Variants in ABCG8 observed in about 807,000 individuals in gnomAD.
ABCG8 encodes the protein ATP-binding cassette sub-family G member 8.
Under a neutral mutation model 71.3 loss-of-function variants are expected in ABCG8, and 81 were observed. The observed-to-expected ratio is 1.14, with a 90% CI of 0.95 to 1.37. The LOEUF is 1.37. Among genes scored for constraint, ABCG8 ranks in the 40% most tolerant of loss-of-function variants. The pLI is 0.00. For missense variants in ABCG8, 1,119 were observed against 866.2 expected, an observed-to-expected ratio of 1.29 and a Z score of -3.66; for synonymous variants, 451 against 354.7, an observed-to-expected ratio of 1.27 and a Z score of -3.05.
chr2:43,856,725 T>A (rs980362453), intron 6 of ABCG8, among the ~76,000 whole-genome samples: 10 of 151,992 alleles, frequency 6.6e-5, no homozygotes, highest in African/African-American at 2.4e-4. Flanking sequence ...CTGGATGGAA[T>A]TCTCACCATC....
At chr2:43,877,186 A>T (rs1669986755) in intron 11 of ABCG8, among the ~76,000 whole-genome samples, 1 of 139,364 alleles carries the variant, frequency 7.2e-6, no homozygotes, top group African/African-American at 2.7e-5. Context: ...CAATATAAAG[A>T]AGACCATGGG....
intron 6 of ABCG8, among the ~76,000 whole-genome samples, chr2:43,857,249 T>A (rs1669144378): frequency 6.6e-6 from 1 of 151,760 alleles, no homozygotes; most frequent in Non-Finnish European, 1.5e-5. Context: ...TCTCACCATC[T>A]GGACAGAACT....
intron 11 of ABCG8, among the ~76,000 whole-genome samples, chr2:43,876,905 C>T (rs760191289): frequency 5.4e-5 from 8 of 149,352 alleles, no homozygotes; most frequent in Non-Finnish European, 8.9e-5. Context: ...TATGGGGAGA[C>T]TGTGGGAATA....
intron 6 of ABCG8, among the ~76,000 whole-genome samples, chr2:43,870,789 A>T (rs1046717998): frequency 5.3e-5 from 8 of 151,602 alleles, no homozygotes; most frequent in Non-Finnish European, 1.0e-4. Context: ...CACCATCTGG[A>T]TAGAATCTCA....
At chr2:43,847,225 A>T (rs886318106) in intron 3 of ABCG8, 2 of 152,138 alleles carry the variant, frequency 1.3e-5, no homozygotes, top group Non-Finnish European at 2.9e-5. Flanking sequence ...AGAGGTAGAG[A>T]TTACTCAATT....
chr2:43,875,072 G>A (rs1234912509), intron 10 of ABCG8, 74 bp from the exon 11 acceptor site: 3 of 1,605,944 alleles, frequency 1.9e-6, no homozygotes, highest in Non-Finnish European at 1.7e-6. Flanking sequence ...TGGGGGCACT[G>A]CTACTTTTAA....
intron 6 of ABCG8, among the ~76,000 whole-genome samples, chr2:43,864,452 A>G (rs1460906279): frequency 6.6e-6 from 1 of 151,710 alleles, no homozygotes. Context: ...ATCTGAATAG[A>G]ATTCTCACTC....
chr2:43,850,397 A>G (rs1668876477), intron 3 of ABCG8, among the ~76,000 whole-genome samples: 2 of 152,214 alleles, frequency 1.3e-5, no homozygotes, highest in Admixed American at 6.5e-5. Flanking sequence ...TCTCAAATCA[A>G]TAATAATTAG....
chr2:43,840,857 C>G (rs181998158), intron 1 of ABCG8, among the ~76,000 whole-genome samples: 417 of 152,254 alleles, frequency 2.7e-3, no homozygotes, highest in Non-Finnish European at 2.7e-3. Context: ...GCAGCCCTGC[C>G]CTGCACAGAC....
At chr2:43,839,977 A>T (rs577105710) in intron 1 of ABCG8, among the ~76,000 whole-genome samples, 1 of 152,172 alleles carries the variant, frequency 6.6e-6, no homozygotes, top group Non-Finnish European at 1.5e-5. Context: ...TTCCTTCCTC[A>T]TTTTACCTGA....
rs1669194350 is a variant in ABCG8 at position 43,858,612 on chromosome 2, C to T, written c.964+5744C>T. On this transcript the variant is annotated intron_variant, in intron 6 of 12. Transcript: ENST00000272286. Reference sequence around the variant, plus strand: ...ACTCTATTTTTCTGTATAGAACTCTCACTATCTATCTGGATGGAATTCCCA... The same window carrying T: ...ACTCTATTTTTCTGTATAGAACTCTTACTATCTATCTGGATGGAATTCCCA... Among the ~76,000 whole-genome samples, 2 of 151,038 alleles carry T rather than the reference C, an allele frequency of 1.3e-5. 1 individual carries two copies. Among genetic ancestry groups the T allele is most frequent in the African/African-American group, 4.9e-5 (2 of 41,176 alleles).
At chr2:43,874,950 G>C (rs1186752065) in intron 10 of ABCG8, among the ~76,000 whole-genome samples, 196 bp from the exon 11 acceptor site, 1 of 152,176 alleles carries the variant, frequency 6.6e-6, no homozygotes, top group African/African-American at 2.4e-5. Flanking sequence ...AACTGCCCTA[G>C]AGGGAGCATT....
intron 3 of ABCG8, chr2:43,846,990 GCACACACACACACA>G (rs368330289): frequency 2.7e-5 from 3 of 110,838 alleles, no homozygotes; most frequent in East Asian, 4.2e-4. Flanking sequence ...ACGCGCGCGT[GCACACACACACACA>G]CACACACACA....
chr2:43,872,780 ATTCT>A (rs1170819420), intron 8 of ABCG8, among the ~76,000 whole-genome samples: 9 of 152,210 alleles, frequency 5.9e-5, no homozygotes, highest in Non-Finnish European at 1.3e-4. Flanking sequence ...TATTGCTTTT[ATTCT>A]TTAAGCAAAA....
intron 3 of ABCG8, among the ~76,000 whole-genome samples, chr2:43,849,520 C>T (rs1252630608): frequency 2.0e-5 from 3 of 152,194 alleles, no homozygotes; most frequent in African/African-American, 7.2e-5. Context: ...TCCCTCGACA[C>T]GTGGGGATTA....
intron 9 of ABCG8, among the ~76,000 whole-genome samples, 172 bp downstream of exon 9, chr2:43,874,158 G>C (rs1013255392): frequency 6.6e-6 from 1 of 152,132 alleles, no homozygotes; most frequent in Non-Finnish European, 1.5e-5. Context: ...AAATTACCGA[G>C]TCTTAGCTGT....
intron 1 of ABCG8, among the ~76,000 whole-genome samples, chr2:43,842,279 C>T (rs1668604683): frequency 6.6e-6 from 1 of 152,158 alleles, no homozygotes; most frequent in Non-Finnish European, 1.5e-5. Context: ...TCCCAAAGTG[C>T]TGGGATTACA....
At position 43,852,588 on chromosome 2, in the gene ABCG8, G is replaced by C; in HGVS notation, c.695-11G>C. ...CCACCGACTCACCAGGCTCCTCTCT[G>C]TGTTGGAAAGGAATCCTTATTCTCG... On this transcript the variant is annotated splice_polypyrimidine_tract_variant and intron_variant, in intron 5 of 12. Coordinates refer to ENST00000272286, the MANE Select transcript of ABCG8 (RefSeq NM_022437.3). The C allele has an allele frequency of 1.2e-6, 2 of 1,614,162 alleles. No individual in the cohort carries two copies. Among genetic ancestry groups the C allele is most frequent in the Middle Eastern group, 1.6e-4 (1 of 6,062 alleles).
intron 3 of ABCG8, chr2:43,846,990 GCACACACACACACACA>G (rs368330289): frequency 9.0e-6 from 1 of 110,838 alleles, no homozygotes; most frequent in Non-Finnish European, 1.8e-5. Flanking sequence ...ACGCGCGCGT[GCACACACACACACACA>G]CACACACACA....
Sources: gnomAD v4.1 joint callset for allele counts (sites outside exome capture counted in the v4.1 genomes callset) on GRCh38, gnomAD v4.1.1 for gene constraint, MANE v1.5 for transcripts, NCBI Gene and HGNC (gene_info 2026-07-23, HGNC 2026-07-21) for gene names.